Variants in BNC2 observed in about 807,000 individuals in gnomAD.
The protein encoded by BNC2 is basonuclin zinc finger protein 2.
A neutral mutation model predicts 76.3 loss-of-function variants in BNC2; 20 were observed. The observed-to-expected ratio is 0.26, with a 90% CI of 0.18 to 0.38. BNC2 has a LOEUF of 0.38. Among genes scored for constraint, BNC2 ranks in the 10% least tolerant of loss-of-function variants. BNC2 has a pLI of 1.00. For missense variants in BNC2, 1,382 were observed against 1,399.8 expected (o/e 0.99, Z 0.20); for synonymous variants, 582 against 514.8 (o/e 1.13, Z -1.77).
At chr9:16,678,766 C>T (rs1563894910) in intron 3 of BNC2, among the ~76,000 whole-genome samples, 1 of 151,852 alleles carries the variant, frequency 6.6e-6, no homozygotes, top group African/African-American at 2.4e-5. Flanking sequence ...AACCTACACA[C>T]CATTGATCCA....
intron 3 of BNC2, among the ~76,000 whole-genome samples, chr9:16,653,103 AT>A (rs1356554533): frequency 6.6e-6 from 1 of 152,172 alleles, no homozygotes; most frequent in African/African-American, 2.4e-5. Context: ...GAATAAATGA[AT>A]TTTTTAAATG....
intron 2 of BNC2, among the ~76,000 whole-genome samples, chr9:16,736,878 C>T (rs1005373108): frequency 2.6e-5 from 4 of 152,040 alleles, no homozygotes; most frequent in Non-Finnish European, 5.9e-5. Flanking sequence ...ACCATCTCGG[C>T]TCACCGCAAT....
At chr9:16,683,392 C>G (rs1822881763) in intron 3 of BNC2, among the ~76,000 whole-genome samples, 1 of 152,138 alleles carries the variant, frequency 6.6e-6, no homozygotes, top group Non-Finnish European at 1.5e-5. Flanking sequence ...AGAATATAAA[C>G]AAACCGCTGC....
At chr9:16,692,118 A>C (rs1490592581) in intron 3 of BNC2, among the ~76,000 whole-genome samples, 2 of 152,104 alleles carry the variant, frequency 1.3e-5, no homozygotes, top group Non-Finnish European at 2.9e-5. Context: ...GCGGGTTCTT[A>C]TATTTAAGAA....
intron 3 of BNC2, among the ~76,000 whole-genome samples, chr9:16,722,717 T>G (rs947974185): frequency 2.6e-5 from 4 of 152,204 alleles, no homozygotes; most frequent in African/African-American, 9.6e-5. Context: ...TTTTAACATA[T>G]ACAAAATACA....
intron 3 of BNC2, among the ~76,000 whole-genome samples, chr9:16,640,130 C>A (rs932827773): frequency 6.6e-6 from 1 of 151,812 alleles, no homozygotes; most frequent in African/African-American, 2.4e-5. Context: ...ATTTGATACA[C>A]CTCTGTCCTT....
Position 16,627,095 on chromosome 9 carries a change from T to C in BNC2, c.331-44010A>G, listed in dbSNP as rs369903392. On this transcript the variant is annotated intron_variant, in intron 3 of 6. Coordinates refer to ENST00000380672, the MANE Select transcript of BNC2 (RefSeq NM_017637.6). ...ATTCCTTTATTTATCCTGCAGCCAG[T>C]TGAGCTAATTGTCAGAGACAGACCT... Among the ~76,000 whole-genome samples the C allele has an allele frequency of 4.6e-5, 7 of 152,274 alleles. No homozygotes were observed. In the East Asian group the frequency reaches 9.7e-4, roughly 21 times the overall value.
chr9:16,617,252 A>C (rs1820732458), intron 3 of BNC2, among the ~76,000 whole-genome samples: 1 of 152,206 alleles, frequency 6.6e-6, no homozygotes, highest in South Asian at 2.1e-4. Flanking sequence ...CTTTTGAACT[A>C]AACTTGATTA....
At chr9:16,626,839 C>T (rs1396472632) in intron 3 of BNC2, among the ~76,000 whole-genome samples, 2 of 152,136 alleles carry the variant, frequency 1.3e-5, no homozygotes, top group African/African-American at 4.8e-5. Flanking sequence ...GCTCTAGCAA[C>T]TGCCTGTGAC....
chr9:16,831,356 T>C (rs1465579084), intron 1 of BNC2, among the ~76,000 whole-genome samples: 1 of 152,236 alleles, frequency 6.6e-6, no homozygotes, highest in Non-Finnish European at 1.5e-5. Flanking sequence ...TTCACCTTGA[T>C]CTTGGCATTC....
At position 16,521,873 on chromosome 9, in the gene BNC2, G is replaced by C. The variant is rs188361493; in HGVS notation, c.669+30657C>G. 7.9e-4 allele frequency among the ~76,000 whole-genome samples: 120 copies of C among 152,208 alleles called. No homozygotes were observed. In the East Asian group the frequency reaches 0.021, roughly 26 times the overall value. On this transcript the variant is annotated intron_variant, in intron 5 of 6. Transcript: ENST00000380672. ...ACCGTTTTTAAATACTCATATTTTT[G>C]TATGAGTATTAGGCCTGTCTGTGAC...
intron 3 of BNC2, among the ~76,000 whole-genome samples, chr9:16,643,148 C>T (rs183650881): frequency 2.0e-5 from 3 of 151,678 alleles, no homozygotes; most frequent in South Asian, 4.2e-4. Context: ...GGGATTAAAA[C>T]GTATGAGGTT....
chr9:16,790,557 G>C (rs922443945), intron 1 of BNC2, among the ~76,000 whole-genome samples: 1 of 152,100 alleles, frequency 6.6e-6, no homozygotes, highest in African/African-American at 2.4e-5. Flanking sequence ...TCCATGCCTT[G>C]GTAGATAGGT....
At chr9:16,494,288 G>A (rs1350372066) in intron 5 of BNC2, among the ~76,000 whole-genome samples, 1 of 152,022 alleles carries the variant, frequency 6.6e-6, no homozygotes, top group Non-Finnish European at 1.5e-5. Context: ...GAGTAGCTAG[G>A]ATTACAGGCC....
intron 3 of BNC2, among the ~76,000 whole-genome samples, chr9:16,690,292 G>A (rs1025588552): frequency 3.9e-5 from 6 of 152,094 alleles, no homozygotes; most frequent in Non-Finnish European, 8.8e-5. Context: ...AGACCAGCCT[G>A]GGCAACACAG....
intron 1 of BNC2, among the ~76,000 whole-genome samples, chr9:16,782,402 C>T (rs1315226206): frequency 6.6e-6 from 1 of 152,012 alleles, no homozygotes; most frequent in African/African-American, 2.4e-5. Flanking sequence ...TTTTCATCTC[C>T]TCATCAAGTA....
chr9:16,754,627 G>A (rs1302221391), intron 1 of BNC2, among the ~76,000 whole-genome samples: 1 of 151,706 alleles, frequency 6.6e-6, no homozygotes, highest in Non-Finnish European at 1.5e-5. Context: ...GCACAATCTC[G>A]ACTCACTACA....
chr9:16,810,510 G>A (rs1818019682), intron 1 of BNC2, among the ~76,000 whole-genome samples: 1 of 152,218 alleles, frequency 6.6e-6, no homozygotes, highest in South Asian at 2.1e-4. Context: ...TGCCGCTGCA[G>A]GCCAGGAGTT....
At chr9:16,862,265 T>C (rs763642327) in intron 1 of BNC2, among the ~76,000 whole-genome samples, 3 of 152,214 alleles carry the variant, frequency 2.0e-5, no homozygotes, top group Non-Finnish European at 2.9e-5. Flanking sequence ...CCAAATGTGC[T>C]TTCATTGAAT....
Sources: gnomAD v4.1 joint callset for allele counts (sites outside exome capture counted in the v4.1 genomes callset) on GRCh38, gnomAD v4.1.1 for gene constraint, MANE v1.5 for transcripts, NCBI Gene and HGNC (gene_info 2026-07-23, HGNC 2026-07-21) for gene names.